The following WDSUB1 variants were observed in gnomAD, a reference collection of about 807,000 sequenced individuals.
WDSUB1 encodes the protein WD repeat, SAM and U-box domain-containing protein 1.
Under a neutral mutation model 53.9 loss-of-function variants are expected in WDSUB1, and 49 were observed. The observed-to-expected ratio is 0.91, with a 90% CI of 0.72 to 1.15. The LOEUF (loss-of-function observed/expected upper bound fraction) is 1.15, where lower values mean the gene tolerates loss of function less well. Among genes scored for constraint, WDSUB1 ranks in the 50% most tolerant of loss-of-function variants. WDSUB1 has a pLI of 0.00. For missense variants in WDSUB1, 514 were observed against 562.0 expected (o/e 0.91, Z 0.86); for synonymous variants, 194 against 200.6 (o/e 0.97, Z 0.28).
At chr2:159,261,153 GA>G (rs1279632175) in intron 5 of WDSUB1, among the ~76,000 whole-genome samples, 1 of 151,552 alleles carries the variant, frequency 6.6e-6, no homozygotes, top group Non-Finnish European at 1.5e-5. Context: ...ATTGAAATAG[GA>G]AAAAAATAAC....
At chr2:159,273,789 A>G (rs746738558) in intron 4 of WDSUB1, among the ~76,000 whole-genome samples, 4 of 152,236 alleles carry the variant, frequency 2.6e-5, no homozygotes, top group Non-Finnish European at 2.9e-5. Flanking sequence ...CAGTGTCAAC[A>G]TATTTTCCAG....
chr2:159,246,008 CAGTA>C (rs1238248516), intron 10 of WDSUB1, among the ~76,000 whole-genome samples: 1 of 152,032 alleles, frequency 6.6e-6, no homozygotes, highest in East Asian at 1.9e-4. Flanking sequence ...ACTCACAACA[CAGTA>C]AGATAATCCA....
At chr2:159,247,902 TATATATAA>T (rs1259580671) in intron 10 of WDSUB1, among the ~76,000 whole-genome samples, 326 of 18,506 alleles carry the variant, frequency 0.018, 4 homozygotes, top group South Asian at 0.086. Context: ...TATATATATA[TATATATAA>T]ATATATATAT....
intron 5 of WDSUB1, among the ~76,000 whole-genome samples, chr2:159,263,599 A>G (rs1051770593): frequency 2.6e-5 from 4 of 152,188 alleles, no homozygotes; most frequent in African/African-American, 9.6e-5. Flanking sequence ...TGCTTGGGGA[A>G]AAAGGACATG....
intron 1 of WDSUB1, among the ~76,000 whole-genome samples, chr2:159,284,741 GCAAA>G (rs1376107179): frequency 6.6e-6 from 1 of 152,144 alleles, no homozygotes; most frequent in African/African-American, 2.4e-5. Flanking sequence ...ACTCATCATG[GCAAA>G]CAAAATCCTA....
intron 10 of WDSUB1, among the ~76,000 whole-genome samples, chr2:159,242,404 C>T (rs1160517112): frequency 6.8e-6 from 1 of 146,252 alleles, no homozygotes; most frequent in Non-Finnish European, 1.5e-5. Context: ...AGGTGGCTCA[C>T]ACCTGTAATC....
chr2:159,282,802 C>T lies in WDSUB1; in HGVS notation c.268G>A (p.Ala90Thr), dbSNP rs750299679. 4 of 1,614,198 alleles carry T rather than the reference C, an allele frequency of 2.5e-6. No homozygotes were observed. Among genetic ancestry groups the T allele is most frequent in the Non-Finnish European group, 3.4e-6 (4 of 1,180,030 alleles). ...LWNTENGQMLAVMEQPSGSPV... is the reference protein window; with the variant it reads ...LWNTENGQMLTVMEQPSGSPV... ...CTGCCACTAGGCTGTTCCATCACTG[C>T]CAGCATCTGTCCATTTTCAGTATTC... The change falls in exon 2 of 11, where the codon GCA (alanine) becomes ACA (threonine). Residue 90 changes from alanine (A) to threonine (T), a missense_variant. Coordinates refer to ENST00000359774, the MANE Select transcript of WDSUB1 (RefSeq NM_001128212.3).
Position 159,275,624 on chromosome 2 carries a change from G to C in WDSUB1, c.598C>G (p.Leu200Val), listed in dbSNP as rs2061524268. The C allele has an allele frequency of 1.3e-6, 2 of 1,597,444 alleles. No homozygotes were observed. The highest frequency in any genetic ancestry group is 1.8e-5 in the Admixed American group (1 of 55,540). The part of the protein sequence containing the change: ...SQPVSDGEQG[L>V]QFFRLASCGQ... Reference sequence around the variant, plus strand: ...CATGATGCCAGTCGAAAAAACTGAAGACCTTGTTCTCCATCTAAAATTTAT... The same window carrying C: ...CATGATGCCAGTCGAAAAAACTGAACACCTTGTTCTCCATCTAAAATTTAT... Residue 200 changes from leucine (L) to valine (V), a missense_variant, in exon 4 of 11, where the codon CTT becomes GTT. By Grantham distance (32) the Leu-to-Val change is conservative. Transcript: ENST00000359774.
chr2:159,270,867 A>G (rs954182008), intron 5 of WDSUB1, among the ~76,000 whole-genome samples: 2 of 152,166 alleles, frequency 1.3e-5, no homozygotes, highest in Non-Finnish European at 2.9e-5. Flanking sequence ...ATACATATAT[A>G]ACAACAAATC....
In WDSUB1 at chr2:159,241,515, T is replaced by C. The variant is rs1439664030; in HGVS notation, c.1274-5325A>G. ...AGGTAGAGGTCTCAGTGAACTGAGA[T>C]CATGTCACTGCATTCCAGCCTGGGT... On this transcript the variant is annotated intron_variant, in intron 10 of 10. Coordinates refer to ENST00000359774, the MANE Select transcript of WDSUB1 (RefSeq NM_001128212.3). Among the ~76,000 whole-genome samples, 6 of 130,376 alleles carry C rather than the reference T, an allele frequency of 4.6e-5. 1 individual carries two copies. Among genetic ancestry groups the C allele is most frequent in the Admixed American group, 2.8e-4 (4 of 14,338 alleles). The allele number at this position is 130,376 out of a possible 152,430, so 85.5% of individuals were successfully genotyped here.
chr2:159,285,928 G>A (rs1258432147), intron 1 of WDSUB1, among the ~76,000 whole-genome samples: 1 of 152,138 alleles, frequency 6.6e-6, no homozygotes, highest in East Asian at 1.9e-4. Flanking sequence ...GTGCAAGTGC[G>A]CACAGGTGAT....
At chr2:159,254,832 G>A (rs6432520) in intron 9 of WDSUB1, among the ~76,000 whole-genome samples, 86,817 of 151,994 alleles carry the variant, frequency 0.57, 26,123 homozygotes, top group African/African-American at 0.72. Context: ...GAAAGGAAAT[G>A]TTTTATTACA....
chr2:159,258,313 T>C (rs1199882569), intron 6 of WDSUB1, among the ~76,000 whole-genome samples: 2 of 152,206 alleles, frequency 1.3e-5, no homozygotes, highest in East Asian at 1.9e-4. Flanking sequence ...AAATAATTCA[T>C]ATTTTTGACT....
At chr2:159,272,555 T>C (rs2061464992) in intron 4 of WDSUB1, among the ~76,000 whole-genome samples, 1 of 152,182 alleles carries the variant, frequency 6.6e-6, no homozygotes, top group African/African-American at 2.4e-5. Flanking sequence ...TAAAAAGCAG[T>C]TCAACAAAGG....
Position 159,236,799 on chromosome 2 carries a change from G to GTATTT in WDSUB1, c.1274-614_1274-610dup, listed in dbSNP as rs1166529161. 3.3e-5 allele frequency among the ~76,000 whole-genome samples: 5 copies of GTATTT among 152,182 alleles called. No individual in the cohort carries two copies. In the East Asian group the frequency reaches 9.7e-4, roughly 29 times the overall value. On this transcript the variant is annotated intron_variant, in intron 10 of 10. Coordinates refer to ENST00000359774, the MANE Select transcript of WDSUB1 (RefSeq NM_001128212.3). ...TGGTACCACATCTGGCTAATGTTTT[G>GTATTT]TATTTTTAGTAGAGTTTCACTATGT...
At chr2:159,251,800 G>A (rs953907461) in intron 9 of WDSUB1, among the ~76,000 whole-genome samples, 3 of 152,158 alleles carry the variant, frequency 2.0e-5, no homozygotes, top group African/African-American at 4.8e-5. Flanking sequence ...TAAACTAACG[G>A]ATATAAAAAC....
At chr2:159,277,143 T>A (rs540081366) in intron 3 of WDSUB1, among the ~76,000 whole-genome samples, 1 of 152,350 alleles carries the variant, frequency 6.6e-6, no homozygotes, top group African/African-American at 2.4e-5. Flanking sequence ...ACAAACACTT[T>A]ACTAACGAAC....
intron 10 of WDSUB1, among the ~76,000 whole-genome samples, chr2:159,237,135 T>A (rs1014695549): frequency 6.6e-6 from 1 of 152,202 alleles, no homozygotes; most frequent in South Asian, 2.1e-4. Context: ...CTGAAAGAAA[T>A]TTTAAGATTA....
At chr2:159,247,030 A>G (rs556921408) in intron 10 of WDSUB1, among the ~76,000 whole-genome samples, 6 of 152,310 alleles carry the variant, frequency 3.9e-5, no homozygotes, top group South Asian at 2.1e-4. Context: ...CAATAAATTG[A>G]GACAGAACCC....
Sources: allele counts gnomAD v4.1 joint callset (sites outside exome capture counted in the v4.1 genomes callset), GRCh38; gene constraint gnomAD v4.1.1; transcripts MANE v1.5; gene names NCBI Gene and HGNC (gene_info 2026-07-23, HGNC 2026-07-21).